NKAIN2: variants seen among roughly 807,000 people sequenced by gnomAD.
NKAIN2 encodes the protein sodium/potassium-transporting ATPase subunit beta-1-interacting protein 2.
A neutral mutation model predicts 32.6 loss-of-function variants in NKAIN2; 14 were observed. The ratio of observed to expected loss-of-function variants is 0.43; its 90% CI spans 0.28 to 0.67. NKAIN2 has a LOEUF of 0.67. NKAIN2 is among the 30% of genes least tolerant of loss of function. NKAIN2 has a pLI of 0.17. For synonymous variants in NKAIN2, 80 were observed against 87.2 expected (o/e 0.92, Z 0.46); for missense variants, 198 against 258.3 (o/e 0.77, Z 1.60).
chr6:124,661,199 C>T (rs910347112), intron 4 of NKAIN2, among the ~76,000 whole-genome samples: 1 of 152,194 alleles, frequency 6.6e-6, no homozygotes, highest in Non-Finnish European at 1.5e-5. Flanking sequence ...AAGAATATGG[C>T]TTATGCAGTT....
intron 3 of NKAIN2, among the ~76,000 whole-genome samples, chr6:124,452,834 G>A (rs910614404): frequency 2.6e-5 from 4 of 151,968 alleles, no homozygotes; most frequent in East Asian, 1.9e-4. Flanking sequence ...ATGTAAATTC[G>A]GGTGCAGTAA....
chr6:124,708,451 ATAT>A (rs1775227608), intron 4 of NKAIN2, among the ~76,000 whole-genome samples: 1 of 152,122 alleles, frequency 6.6e-6, no homozygotes, highest in South Asian at 2.1e-4. Flanking sequence ...CATTTTCAGG[ATAT>A]TGATTCTTCC....
intron 3 of NKAIN2, among the ~76,000 whole-genome samples, chr6:124,639,697 T>G (rs1783914186): frequency 6.6e-6 from 1 of 152,118 alleles, no homozygotes; most frequent in Non-Finnish European, 1.5e-5. Context: ...GAATGAAACC[T>G]TGTCATTCAT....
chr6:124,281,483 A>G (rs1048018419), intron 1 of NKAIN2, among the ~76,000 whole-genome samples: 1 of 152,208 alleles, frequency 6.6e-6, no homozygotes, highest in East Asian at 1.9e-4. Flanking sequence ...TTCCAGTCCT[A>G]TGACAGTCTG....
At chr6:124,376,051 A>G (rs1562139603) in intron 3 of NKAIN2, among the ~76,000 whole-genome samples, 1 of 152,140 alleles carries the variant, frequency 6.6e-6, no homozygotes, top group African/African-American at 2.4e-5. Flanking sequence ...AGCAATGAAC[A>G]GTTTTGAGAT....
rs77643978 is a variant in NKAIN2, at chr6:123,958,675, G to A, written c.54+154421G>A. Among the ~76,000 whole-genome samples the A allele has an allele frequency of 6.6e-3, 1,010 of 152,300 alleles. 13 individuals carry two copies. Among genetic ancestry groups the A allele is most frequent in the African/African-American group, 0.023 (964 of 41,552 alleles). On this transcript the variant is annotated intron_variant, in intron 1 of 6. Coordinates refer to ENST00000368417, the MANE Select transcript of NKAIN2 (RefSeq NM_001040214.3). ...TTGGAAGGACACAAACACTCAGACC[G>A]TAATAGCAAGCACTTACCACTGGCT... is the stretch of plus-strand genomic sequence containing the variant.
At position 124,237,355 on chromosome 6, in the gene NKAIN2, T is replaced by G. The variant is rs183415941; in HGVS notation, c.55-45650T>G. ...GTAATGGCTCTAGGGATAACTTTTT[T>G]TTGTTGTTTTTGTTTTTGTTTTTTT... On this transcript the variant is annotated intron_variant, in intron 1 of 6. Coordinates refer to ENST00000368417, the MANE Select transcript of NKAIN2 (RefSeq NM_001040214.3). Among the ~76,000 whole-genome samples, 54 of 152,280 alleles carry G rather than the reference T, an allele frequency of 3.5e-4. 1 individual carries two copies. The East Asian group carries it at 3.9e-3, about 11-fold the overall frequency.
chr6:123,925,891 A>G (rs1775981881), intron 1 of NKAIN2, among the ~76,000 whole-genome samples: 1 of 152,234 alleles, frequency 6.6e-6, no homozygotes, highest in African/African-American at 2.4e-5. Context: ...GATAGCTTAT[A>G]TAAACAACAT....
chr6:124,466,930 AG>A (rs1776783381), intron 3 of NKAIN2, among the ~76,000 whole-genome samples: 1 of 152,114 alleles, frequency 6.6e-6, no homozygotes, highest in Admixed American at 6.6e-5. Flanking sequence ...AAGGAAGAGT[AG>A]TTATATTAGC....
At chr6:124,764,688 A>T (rs1239263222) in intron 4 of NKAIN2, among the ~76,000 whole-genome samples, 3 of 152,038 alleles carry the variant, frequency 2.0e-5, no homozygotes, top group Non-Finnish European at 4.4e-5. Context: ...CTATTTCTGT[A>T]TTTATCATAT....
intron 3 of NKAIN2, among the ~76,000 whole-genome samples, chr6:124,556,090 A>C (rs1780465940): frequency 1.2e-4 from 1 of 8,430 alleles, no homozygotes; most frequent in East Asian, 0.17. Flanking sequence ...GCTATGCAAA[A>C]AAAAAAAAAA....
At chr6:124,792,812 AGCT>A (rs1779805621) in intron 5 of NKAIN2, among the ~76,000 whole-genome samples, 1 of 152,144 alleles carries the variant, frequency 6.6e-6, no homozygotes, top group African/African-American at 2.4e-5. Flanking sequence ...ACAGGTAGAC[AGCT>A]GGAGAAAATT....
At chr6:123,912,884 T>A (rs59412318) in intron 1 of NKAIN2, among the ~76,000 whole-genome samples, 62,227 of 151,632 alleles carry the variant, frequency 0.41, 13,040 homozygotes, top group Middle Eastern at 0.51. Flanking sequence ...CATTGCAAAT[T>A]CTATTAAAGA....
At chr6:124,397,630 GA>G in intron 3 of NKAIN2, among the ~76,000 whole-genome samples, 1 of 145,276 alleles carries the variant, frequency 6.9e-6, no homozygotes, top group South Asian at 2.1e-4. Flanking sequence ...TTGAAATGTG[GA>G]AAAAAAAGAA....
At chr6:124,264,016 A>G (rs2689897) in intron 1 of NKAIN2, among the ~76,000 whole-genome samples, 48,362 of 151,974 alleles carry the variant, frequency 0.32, 9,047 homozygotes, top group African/African-American at 0.51. Context: ...GGAAAAAGGA[A>G]ATAGAATACC....
chr6:124,758,225 C>A (rs1778055432), intron 4 of NKAIN2, among the ~76,000 whole-genome samples: 1 of 152,116 alleles, frequency 6.6e-6, no homozygotes, highest in Admixed American at 6.5e-5. Context: ...TTTCCTGTTA[C>A]AAACAGCTGT....
Position 124,336,916 on chromosome 6 carries a change from C to T in NKAIN2, c.193-18351C>T, listed in dbSNP as rs181828240. Among the ~76,000 whole-genome samples the T allele has an allele frequency of 3.2e-3, 489 of 152,170 alleles. 6 individuals are homozygous for T. The highest frequency in any genetic ancestry group is 0.011 in the African/African-American group (468 of 41,526). ...TCGATCTTCTGACATTGTGATCCAC[C>T]TGCCTCGGCCTCCCAAAGTGCTGGG... is the stretch of plus-strand genomic sequence containing the variant. On this transcript the variant is annotated intron_variant, in intron 2 of 6. Coordinates refer to ENST00000368417, the MANE Select transcript of NKAIN2 (RefSeq NM_001040214.3).
intron 1 of NKAIN2, among the ~76,000 whole-genome samples, chr6:124,258,130 C>A (rs1794038737): frequency 7.5e-6 from 1 of 132,856 alleles, no homozygotes; most frequent in South Asian, 2.2e-4. Flanking sequence ...TTGTTTTACT[C>A]TTTTTCAAGA....
In NKAIN2 at chr6:124,825,518, G is replaced by A. The variant is rs1016514312; in HGVS notation, c.*2289G>A. On this transcript the variant is annotated 3_prime_UTR_variant, in exon 7 of 7. Coordinates refer to ENST00000368417, the MANE Select transcript of NKAIN2 (RefSeq NM_001040214.3). ...ATAAACTTAATATTCAGAAGGCAAG[G>A]GTTATGATCCTGATGTGTCCTTTTT... 1.3e-5 allele frequency: 2 copies of A among 152,432 alleles called. No homozygotes were observed. Among genetic ancestry groups the A allele is most frequent in the Admixed American group, 6.6e-5 (1 of 15,266 alleles). 9.4% of individuals were successfully genotyped at this position (152,432 alleles called of 1,614,324 possible). A position where few individuals can be genotyped will look rare whatever the true frequency, so the allele number is the denominator to read the frequency against.
Sources: allele counts gnomAD v4.1 joint callset (sites outside exome capture counted in the v4.1 genomes callset), GRCh38; gene constraint gnomAD v4.1.1; transcripts MANE v1.5; gene names NCBI Gene and HGNC (gene_info 2026-07-23, HGNC 2026-07-21).